The following KCND2 variants were observed in gnomAD, a reference collection of about 807,000 sequenced individuals.
KCND2 encodes the protein A-type voltage-gated potassium channel KCND2.
KCND2 carries 16 observed loss-of-function variants against 54.4 expected under a neutral mutation model. That is an observed-to-expected ratio of 0.29 (90% confidence interval 0.20 to 0.45). The LOEUF is 0.45. Ranked by LOEUF, KCND2 falls within the 20% of genes least tolerant of loss-of-function variation. The pLI is 1.00. For synonymous variants in KCND2, 317 were observed against 310.7 expected (o/e 1.02, Z -0.21); for missense variants, 486 against 824.2 (o/e 0.59, Z 5.02).
intron 1 of KCND2, among the ~76,000 whole-genome samples, chr7:120,633,082 C>T (rs563060433): frequency 1.3e-5 from 2 of 152,196 alleles, no homozygotes; most frequent in Admixed American, 6.5e-5. Context: ...CCTGAATTAT[C>T]GCCATTTCAA....
chr7:120,332,581 G>A (rs73431924), intron 1 of KCND2, among the ~76,000 whole-genome samples: 1,821 of 152,090 alleles, frequency 0.012, 39 homozygotes, highest in African/African-American at 0.042. Context: ...TAGCCTGTAC[G>A]CTTTCTTAAA....
In KCND2 at chr7:120,742,596, A is replaced by T; in HGVS notation, c.1461A>T (p.Lys487Asn). The change falls in exon 4 of 6, where the codon AAA (lysine) becomes AAT (asparagine). Residue 487 changes from lysine (K) to asparagine (N), a missense_variant. Coordinates refer to ENST00000331113, the MANE Select transcript of KCND2 (RefSeq NM_012281.3). ...ACCACCTGCTTCACTGCCTGGAAAA[A>T]ACCACGGTAAGGAGACAGCATGACT... The part of the protein sequence containing the change: ...QHHHLLHCLE[K>N]TTNHEFVDEQ... 6.2e-7 allele frequency: 1 copy of T among 1,613,062 alleles called. No homozygotes were observed. Among genetic ancestry groups the T allele is most frequent in the Non-Finnish European group, 8.5e-7 (1 of 1,179,250 alleles).
chr7:120,307,115 A>G (rs1281405847), intron 1 of KCND2, among the ~76,000 whole-genome samples: 5 of 152,062 alleles, frequency 3.3e-5, no homozygotes, highest in African/African-American at 9.7e-5. Flanking sequence ...CATGTCTAAT[A>G]TAATATTTTC....
At chr7:120,463,002 A>G (rs1287573917) in intron 1 of KCND2, among the ~76,000 whole-genome samples, 1 of 152,088 alleles carries the variant, frequency 6.6e-6, no homozygotes, top group Non-Finnish European at 1.5e-5. Flanking sequence ...AAGATAGGCC[A>G]TGCTGCAGTA....
intron 1 of KCND2, among the ~76,000 whole-genome samples, chr7:120,562,386 A>G (rs908925614): frequency 6.6e-6 from 1 of 152,244 alleles, no homozygotes; most frequent in Non-Finnish European, 1.5e-5. Context: ...AAGAAAGACA[A>G]GGACTAAACA....
At chr7:120,674,842 A>T (rs563221672) in intron 1 of KCND2, among the ~76,000 whole-genome samples, 1 of 152,296 alleles carries the variant, frequency 6.6e-6, no homozygotes, top group African/African-American at 2.4e-5. Flanking sequence ...GGAGGGGAAG[A>T]GTTCTTCTTT....
intron 1 of KCND2, among the ~76,000 whole-genome samples, chr7:120,540,814 T>TAA (rs61191128): frequency 2.7e-5 from 4 of 148,142 alleles, no homozygotes; most frequent in African/African-American, 1.0e-4. Context: ...TCACTCTCTA[T>TAA]AAAAAAAAAT....
At chr7:120,299,082 C>T (rs1563001508) in intron 1 of KCND2, among the ~76,000 whole-genome samples, 2 of 152,034 alleles carry the variant, frequency 1.3e-5, no homozygotes, top group East Asian at 1.9e-4. Context: ...ATCACTTGAA[C>T]CTGGGAGGCA....
At chr7:120,403,664 AC>A in intron 1 of KCND2, among the ~76,000 whole-genome samples, 1 of 151,944 alleles carries the variant, frequency 6.6e-6, no homozygotes, top group South Asian at 2.1e-4. Flanking sequence ...ATAATTGAAA[AC>A]AATTTCACAT....
intron 1 of KCND2, among the ~76,000 whole-genome samples, chr7:120,623,875 T>G (rs1793133297): frequency 6.6e-6 from 1 of 151,742 alleles, no homozygotes; most frequent in Non-Finnish European, 1.5e-5. Context: ...TGAGCCAAAC[T>G]GTGGATGGAG....
intron 1 of KCND2, among the ~76,000 whole-genome samples, chr7:120,464,639 G>T (rs560171164): frequency 6.6e-6 from 1 of 152,188 alleles, no homozygotes; most frequent in Non-Finnish European, 1.5e-5. Context: ...TTTTGGCTAA[G>T]TTCAGCTCAT....
At chr7:120,372,700 C>T (rs1340747655) in intron 1 of KCND2, among the ~76,000 whole-genome samples, 1 of 151,824 alleles carries the variant, frequency 6.6e-6, no homozygotes, top group Non-Finnish European at 1.5e-5. Context: ...AACTCTAGAA[C>T]TTTCACACAA....
intron 1 of KCND2, among the ~76,000 whole-genome samples, chr7:120,665,862 A>G (rs1462678528): frequency 6.6e-6 from 1 of 152,060 alleles, no homozygotes; most frequent in East Asian, 1.9e-4. Flanking sequence ...TGCACACCCA[A>G]TCAGGTATAA....
rs529056239 is a variant in KCND2 at position 120,614,334 on chromosome 7, G to T, written c.1116-118569G>T. On this transcript the variant is annotated intron_variant, in intron 1 of 5. Coordinates refer to ENST00000331113, the MANE Select transcript of KCND2 (RefSeq NM_012281.3). The stretch of plus-strand genomic sequence containing the variant: ...GGCCTTTGTTGGAATATTTTTAAAA[G>T]ATTAAACTTAAAGCTCAATGCCTTA... Among the ~76,000 whole-genome samples the T allele has an allele frequency of 1.8e-3, 280 of 152,212 alleles. 1 individual carries two copies. The highest frequency in any genetic ancestry group is 0.01 in the Middle Eastern group (3 of 294).
chr7:120,417,450 G>A (rs578139282), intron 1 of KCND2, among the ~76,000 whole-genome samples: 1 of 152,188 alleles, frequency 6.6e-6, no homozygotes, highest in African/African-American at 2.4e-5. Flanking sequence ...CCTTACGGCT[G>A]CTCACTGCCT....
At chr7:120,603,131 A>T (rs1792835222) in intron 1 of KCND2, among the ~76,000 whole-genome samples, 1 of 152,244 alleles carries the variant, frequency 6.6e-6, no homozygotes, top group Admixed American at 6.5e-5. Flanking sequence ...GACCTATTAG[A>T]AGTTACTTAA....
chr7:120,431,706 G>A (rs1432784919), intron 1 of KCND2, among the ~76,000 whole-genome samples: 1 of 152,056 alleles, frequency 6.6e-6, no homozygotes, highest in Non-Finnish European at 1.5e-5. Context: ...GAATTAGCAG[G>A]ACTTGTACTT....
chr7:120,511,003 A>ATCTCTC (rs562798465), intron 1 of KCND2, among the ~76,000 whole-genome samples: 3 of 127,468 alleles, frequency 2.4e-5, no homozygotes, highest in East Asian at 4.2e-4. Context: ...ACCTTTCCCC[A>ATCTCTC]TCTCTCTCTC....
chr7:120,473,650 T>G (rs1701664412), intron 1 of KCND2, among the ~76,000 whole-genome samples: 2 of 151,972 alleles, frequency 1.3e-5, no homozygotes. Flanking sequence ...TAACCAGGCC[T>G]CCGTCTGGTG....
Sources: gnomAD v4.1 joint callset for allele counts (sites outside exome capture counted in the v4.1 genomes callset) on GRCh38, gnomAD v4.1.1 for gene constraint, MANE v1.5 for transcripts, NCBI Gene and HGNC (gene_info 2026-07-23, HGNC 2026-07-21) for gene names.